Variants in ITGA9 observed in about 807,000 individuals in gnomAD.
ITGA9 encodes the protein integrin alpha-9.
In ITGA9, 56 loss-of-function variants were observed where a neutral mutation model predicts 127.8. That is an observed-to-expected ratio of 0.44 (90% CI 0.35 to 0.55). ITGA9 has a LOEUF of 0.55. ITGA9 is among the 20% of genes least tolerant of loss of function. The pLI, the probability that ITGA9 is intolerant of heterozygous loss-of-function variation, is 0.00. For synonymous variants in ITGA9, 508 were observed against 514.5 expected (o/e 0.99, Z 0.17); for missense variants, 1,196 against 1,347.1 (o/e 0.89, Z 1.76).
chr3:37,489,195 A>C lies in ITGA9; in HGVS notation c.545-5306A>C, dbSNP rs11709684. 1.4e-4 allele frequency among the ~76,000 whole-genome samples: 21 copies of C among 152,292 alleles called. No individual in the cohort carries two copies. In the South Asian group the frequency reaches 4.3e-3, roughly 32 times the overall value. ...AGGAAGGAATATTTAATAATATTCC[A>C]TTGTATGTGTGTGCCCCACATTTAT... On this transcript the variant is annotated intron_variant, in intron 4 of 27. Transcript: ENST00000264741.
Position 37,746,682 on chromosome 3 carries a change from C to T in ITGA9, c.2433+2648C>T, listed in dbSNP as rs1696505005. Among the ~76,000 whole-genome samples the T allele has an allele frequency of 2.0e-5, 3 of 152,156 alleles. No homozygotes were observed. The South Asian group carries it at 6.2e-4, about 31-fold the overall frequency. On this transcript the variant is annotated intron_variant, in intron 22 of 27. Coordinates refer to ENST00000264741, the MANE Select transcript of ITGA9 (RefSeq NM_002207.3). ...TTTAATTCTGTGCACTCATGTTTCACTTCAAATTAGTTATTTCAGCTATGG... is the reference window on the plus strand; with the variant it reads ...TTTAATTCTGTGCACTCATGTTTCATTTCAAATTAGTTATTTCAGCTATGG...
Position 37,779,778 on chromosome 3 carries a change from G to A in ITGA9, c.2668-124G>A, listed in dbSNP as rs1696953474. The A allele has an allele frequency of 6.5e-6, 6 of 918,482 alleles. No individual in the cohort carries two copies. In the East Asian group the frequency reaches 1.5e-4, roughly 23 times the overall value. 56.9% of individuals were successfully genotyped at this position (918,482 alleles called of 1,614,324 possible). A position where few individuals can be genotyped will look rare whatever the true frequency, so the allele number is the denominator to read the frequency against. On this transcript the variant is annotated intron_variant, in intron 24 of 27. Coordinates refer to ENST00000264741, the MANE Select transcript of ITGA9 (RefSeq NM_002207.3). ...CGAGAAAGAACGATTGCATCTTCTT[G>A]TGGATTTCCTCTGCCTGGAATTGCC...
At chr3:37,764,251 T>C (rs1696753125) in intron 23 of ITGA9, among the ~76,000 whole-genome samples, 1 of 152,084 alleles carries the variant, frequency 6.6e-6, no homozygotes, top group Non-Finnish European at 1.5e-5. Flanking sequence ...GGGTGTCCTC[T>C]TTGCTCTCTC....
intron 10 of ITGA9, among the ~76,000 whole-genome samples, chr3:37,519,053 G>A (rs1699017065): frequency 6.6e-6 from 1 of 151,256 alleles, no homozygotes; most frequent in South Asian, 2.1e-4. Flanking sequence ...CCAAAGTGCT[G>A]GGATTACAGG....
In ITGA9 at chr3:37,471,276, T is replaced by C. The variant is rs149463584; in HGVS notation, c.313+142T>C. 734 of 968,636 alleles carry C rather than the reference T, an allele frequency of 7.6e-4. No homozygotes were observed. The African/African-American group carries it at 0.01, about 13-fold the overall frequency. The allele number at this position is 968,636 out of a possible 1,614,324, so 60.0% of individuals were successfully genotyped here. ...CCTCCTTCTCTCCAACAAGCATGTA[T>C]TGAGTACGTAATAGTTATTAAGCAC... On this transcript the variant is annotated intron_variant, in intron 2 of 27. Coordinates refer to ENST00000264741, the MANE Select transcript of ITGA9 (RefSeq NM_002207.3).
At chr3:37,563,456 CACT>C (rs1445304736) in intron 15 of ITGA9, among the ~76,000 whole-genome samples, 151 of 152,314 alleles carry the variant, frequency 9.9e-4, no homozygotes, top group African/African-American at 3.2e-3. Flanking sequence ...GTTCGGCTGG[CACT>C]CAGCCCACAC....
At chr3:37,613,618 A>G (rs1700045292) in intron 15 of ITGA9, among the ~76,000 whole-genome samples, 1 of 152,236 alleles carries the variant, frequency 6.6e-6, no homozygotes, top group African/African-American at 2.4e-5. Flanking sequence ...CATCCTCTCC[A>G]GCACCTGTTG....
At chr3:37,521,913 G>C (rs1458595855) in intron 11 of ITGA9, among the ~76,000 whole-genome samples, 2 of 152,096 alleles carry the variant, frequency 1.3e-5, no homozygotes, top group Non-Finnish European at 2.9e-5. Context: ...TTTGTACTTT[G>C]GTGCTTGGAC....
chr3:37,483,002 G>T (rs1559517397), intron 4 of ITGA9, among the ~76,000 whole-genome samples: 1 of 152,104 alleles, frequency 6.6e-6, no homozygotes, highest in Admixed American at 6.6e-5. Context: ...GGTTTCCACT[G>T]CCCCAGTTTA....
At chr3:37,574,672 C>T (rs551262949) in intron 15 of ITGA9, among the ~76,000 whole-genome samples, 8 of 152,286 alleles carry the variant, frequency 5.3e-5, no homozygotes, top group African/African-American at 1.4e-4. Flanking sequence ...AGTTCCTTGC[C>T]GTTTCACAGC....
chr3:37,527,564 T>C (rs1293045640), intron 13 of ITGA9, among the ~76,000 whole-genome samples: 2 of 152,202 alleles, frequency 1.3e-5, no homozygotes, highest in African/African-American at 4.8e-5. Flanking sequence ...CCCATGTGAC[T>C]GGATTTTCAC....
intron 23 of ITGA9, among the ~76,000 whole-genome samples, chr3:37,766,334 T>C (rs1260978596): frequency 1.3e-5 from 2 of 152,224 alleles, no homozygotes; most frequent in Non-Finnish European, 2.9e-5. Context: ...TTCTCTTTAA[T>C]CTAAACTTAT....
Position 37,509,205 on chromosome 3 carries a change from G to C in ITGA9, c.897+578G>C, listed in dbSNP as rs117728618. On this transcript the variant is annotated intron_variant, in intron 8 of 27. Coordinates refer to ENST00000264741, the MANE Select transcript of ITGA9 (RefSeq NM_002207.3). ...GCCTGGGTGAGATTACTCTGCCTGGGTCCTCCCCACCCTGTCCCTAATCCT... is the reference window on the plus strand; with the variant it reads ...GCCTGGGTGAGATTACTCTGCCTGGCTCCTCCCCACCCTGTCCCTAATCCT... Among the ~76,000 whole-genome samples, 36 of 152,266 alleles carry C rather than the reference G, an allele frequency of 2.4e-4. 1 individual carries two copies. The East Asian group carries it at 6.8e-3, about 29-fold the overall frequency.
intron 25 of ITGA9, among the ~76,000 whole-genome samples, chr3:37,783,036 G>A (rs971313636): frequency 6.6e-6 from 1 of 152,088 alleles, no homozygotes; most frequent in Admixed American, 6.5e-5. Context: ...CTACTCGGGA[G>A]GCTGAGGCAG....
At chr3:37,490,713 C>G (rs1328824566) in intron 4 of ITGA9, among the ~76,000 whole-genome samples, 2 of 150,530 alleles carry the variant, frequency 1.3e-5, no homozygotes, top group Middle Eastern at 3.2e-3. Context: ...CATTTGGAAA[C>G]CAGTATTTTT....
chr3:37,819,161 G>C lies in ITGA9; in HGVS notation c.*172G>C. 1.5e-6 allele frequency: 1 copy of C among 656,698 alleles called. No homozygotes were observed. The highest frequency in any genetic ancestry group is 1.7e-5 in the South Asian group (1 of 57,412). 40.7% of individuals were successfully genotyped at this position (656,698 alleles called of 1,614,324 possible). On this transcript the variant is annotated 3_prime_UTR_variant, in exon 28 of 28. Transcript: ENST00000264741. ...CAGCCTGAGGCAGCCACTTCGGCCAGGTCACACGACCGGGGCCAGCACCAC... is the reference window on the plus strand; with the variant it reads ...CAGCCTGAGGCAGCCACTTCGGCCACGTCACACGACCGGGGCCAGCACCAC...
At chr3:37,624,461 G>A (rs1273563903) in intron 15 of ITGA9, among the ~76,000 whole-genome samples, 1 of 152,030 alleles carries the variant, frequency 6.6e-6, no homozygotes, top group Non-Finnish European at 1.5e-5. Context: ...CTAAACCCAT[G>A]TGGCAGCCTC....
chr3:37,512,194 CT>C (rs1559524977), intron 8 of ITGA9, among the ~76,000 whole-genome samples: 7 of 36,792 alleles, frequency 1.9e-4, no homozygotes, highest in African/African-American at 7.0e-4. Context: ...CTTTTCTTTT[CT>C]TTTCTTTTCT....
intron 18 of ITGA9, among the ~76,000 whole-genome samples, chr3:37,698,377 T>A (rs957280013): frequency 2.0e-5 from 3 of 152,248 alleles, no homozygotes; most frequent in Non-Finnish European, 4.4e-5. Context: ...TTTGTTGCCA[T>A]TGCTTTTGGT....
Sources: gnomAD v4.1 joint callset for allele counts (sites outside exome capture counted in the v4.1 genomes callset) on GRCh38, gnomAD v4.1.1 for gene constraint, MANE v1.5 for transcripts, NCBI Gene and HGNC (gene_info 2026-07-23, HGNC 2026-07-21) for gene names.